ELMO1: variants seen among roughly 807,000 people sequenced by gnomAD.
ELMO1 encodes engulfment and cell motility protein 1.
A neutral mutation model predicts 98.9 loss-of-function variants in ELMO1; 26 were observed. The ratio of observed to expected loss-of-function variants is 0.26; its 90% confidence interval spans 0.19 to 0.36. The LOEUF (loss-of-function observed/expected upper bound fraction) is 0.36. Among genes scored for constraint, ELMO1 ranks in the 10% least tolerant of loss-of-function variants. ELMO1 has a pLI of 1.00. For missense variants in ELMO1, 627 were observed against 935.2 expected (o/e 0.67, Z 4.30); for synonymous variants, 346 against 346.0 (o/e 1.00, Z 0.00).
chr7:37,142,038 T>C (rs907264079), intron 13 of ELMO1, among the ~76,000 whole-genome samples: 14 of 152,246 alleles, frequency 9.2e-5, no homozygotes, highest in Non-Finnish European at 4.4e-5. Flanking sequence ...TCCTGATTCA[T>C]TTATTCCAAT....
At position 37,342,263 on chromosome 7, in the gene ELMO1, C is replaced by T. The variant is rs1800757844; in HGVS notation, c.78+350G>A. ...ATTTTAAAAATTAAGTTTTGTCTTG[C>T]CTGTGTTCCAACAATCTGCACATAT... On this transcript the variant is annotated intron_variant, in intron 2 of 21. Transcript: ENST00000310758. This position sits in a 1 kb window ranked among gnomAD's most constrained non-coding sequence, Gnocchi z 4.3. Among the ~76,000 whole-genome samples, 1 of 152,152 alleles carries T rather than the reference C, an allele frequency of 6.6e-6. No homozygotes were observed. The highest frequency in any genetic ancestry group is 2.4e-5 in the African/African-American group (1 of 41,436).
At chr7:37,324,152 C>T (rs927893100) in intron 2 of ELMO1, among the ~76,000 whole-genome samples, 2 of 152,160 alleles carry the variant, frequency 1.3e-5, no homozygotes, top group Non-Finnish European at 2.9e-5. Flanking sequence ...GCCCTGGCTG[C>T]GCAGCCACCT....
chr7:37,109,342 TTG>T (rs1286076139), intron 14 of ELMO1, among the ~76,000 whole-genome samples: 3 of 152,204 alleles, frequency 2.0e-5, no homozygotes. Flanking sequence ...ATGTCCTTCG[TTG>T]TGTGTTTATG....
intron 4 of ELMO1, among the ~76,000 whole-genome samples, chr7:37,289,123 T>C (rs1162797098): frequency 6.6e-6 from 1 of 152,214 alleles, no homozygotes; most frequent in Non-Finnish European, 1.5e-5. Context: ...GTGCCTGGTA[T>C]ATCAAATGTG....
chr7:37,173,018 G>A (rs1246428907), intron 13 of ELMO1, among the ~76,000 whole-genome samples: 1 of 152,202 alleles, frequency 6.6e-6, no homozygotes, highest in Non-Finnish European at 1.5e-5. Flanking sequence ...AGATGGATAT[G>A]TAAGAACCTT....
intron 13 of ELMO1, among the ~76,000 whole-genome samples, chr7:37,175,167 G>A (rs1478448219): frequency 1.3e-5 from 2 of 152,156 alleles, no homozygotes; most frequent in South Asian, 2.1e-4. Flanking sequence ...ATAATAAGGA[G>A]ACAAAGAAAA....
At chr7:37,168,656 T>C (rs976737450) in intron 13 of ELMO1, among the ~76,000 whole-genome samples, 2 of 152,208 alleles carry the variant, frequency 1.3e-5, no homozygotes, top group African/African-American at 2.4e-5. Context: ...ACAGCGGTTT[T>C]TCGTGAACCG....
At chr7:36,889,653 G>C (rs974809360) in intron 17 of ELMO1, among the ~76,000 whole-genome samples, 1 of 152,218 alleles carries the variant, frequency 6.6e-6, no homozygotes, top group Non-Finnish European at 1.5e-5. Flanking sequence ...AAGACCAAGA[G>C]AAGGAAACAA....
At chr7:37,167,256 G>A (rs866879910) in intron 13 of ELMO1, among the ~76,000 whole-genome samples, 8 of 152,128 alleles carry the variant, frequency 5.3e-5, no homozygotes, top group Middle Eastern at 6.8e-3. Flanking sequence ...TGGGTTTCCT[G>A]AATACAGCAC....
chr7:37,100,243 C>G (rs1186631731), intron 14 of ELMO1, among the ~76,000 whole-genome samples: 1 of 152,208 alleles, frequency 6.6e-6, no homozygotes, highest in African/African-American at 2.4e-5. Context: ...TCCTCCTAGA[C>G]AAAGCTATAA....
chr7:37,152,194 A>G (rs1472375511), intron 13 of ELMO1, among the ~76,000 whole-genome samples: 1 of 152,250 alleles, frequency 6.6e-6, no homozygotes, highest in African/African-American at 2.4e-5. Flanking sequence ...TTCCAGGTAC[A>G]GTCTAACATG....
intron 12 of ELMO1, among the ~76,000 whole-genome samples, chr7:37,211,764 A>G (rs925485728): frequency 2.0e-5 from 3 of 152,176 alleles, no homozygotes; most frequent in Admixed American, 1.3e-4. Flanking sequence ...AGTTATCTGG[A>G]GCACGAATAT....
chr7:37,159,359 A>G (rs1789034758), intron 13 of ELMO1, among the ~76,000 whole-genome samples: 1 of 152,178 alleles, frequency 6.6e-6, no homozygotes, highest in Non-Finnish European at 1.5e-5. Flanking sequence ...ATACAGCTCT[A>G]AAGAAAATTT....
intron 15 of ELMO1, among the ~76,000 whole-genome samples, chr7:37,092,914 T>A (rs1784193923): frequency 6.7e-6 from 1 of 148,280 alleles, no homozygotes; most frequent in South Asian, 2.1e-4. Context: ...TCTTTCTTTT[T>A]CTTTTTTTTT....
chr7:37,223,629 C>A (rs116133109), intron 9 of ELMO1, among the ~76,000 whole-genome samples: 162 of 152,262 alleles, frequency 1.1e-3, no homozygotes, highest in African/African-American at 3.8e-3. Context: ...GAGATTCCCA[C>A]AAAAGACACA....
In ELMO1 at chr7:37,342,313, T is replaced by G. The variant is rs1325271701; in HGVS notation, c.78+300A>C. 6.6e-6 allele frequency among the ~76,000 whole-genome samples: 1 copy of G among 152,212 alleles called. No individual in the cohort carries two copies. Among genetic ancestry groups the G allele is most frequent in the Non-Finnish European group, 1.5e-5 (1 of 68,034 alleles). ...TCCATGTGTCATGGCAAGGCAGGGATGGGGCAGCCTCCACTGTGTCAACTG... is the reference window on the plus strand; with the variant it reads ...TCCATGTGTCATGGCAAGGCAGGGAGGGGGCAGCCTCCACTGTGTCAACTG... On this transcript the variant is annotated intron_variant, in intron 2 of 21. Transcript: ENST00000310758. This position sits in a 1 kb window ranked among gnomAD's most constrained non-coding sequence, Gnocchi z 4.3.
At chr7:37,019,722 A>G (rs1447700612) in intron 15 of ELMO1, among the ~76,000 whole-genome samples, 1 of 152,242 alleles carries the variant, frequency 6.6e-6, no homozygotes, top group Admixed American at 6.5e-5. Context: ...AATGGGACAA[A>G]AATAGTAAGA....
At chr7:37,330,241 A>C (rs577218007) in intron 2 of ELMO1, among the ~76,000 whole-genome samples, 2 of 152,374 alleles carry the variant, frequency 1.3e-5, no homozygotes, top group South Asian at 4.1e-4. Flanking sequence ...AATTAGACAT[A>C]GATTATAGCT....
Position 37,224,910 on chromosome 7 carries a change from T to C in ELMO1, c.670A>G (p.Thr224Ala). 1 of 1,614,086 alleles carries C rather than the reference T, an allele frequency of 6.2e-7. No homozygotes were observed. Among genetic ancestry groups the C allele is most frequent in the South Asian group, 1.1e-5 (1 of 91,086 alleles). ...DLYQKVAQEI[T>A]IGQLIPHLQG... ...AGGTGTGGAATGAGCTGGCCGATGG[T>C]GATCTCCTGCGCCACTTTCTGGTAG... The change falls in exon 9 of 22, where the codon ACC (threonine) becomes GCC (alanine). Residue 224 changes from threonine to alanine, a missense_variant. Thr to Ala is a moderately conservative substitution (Grantham distance 58, BLOSUM62 0). This residue lies in a region of ELMO1 where 492 missense variants were observed against 715.6 expected (regional missense o/e 0.69). Transcript: ENST00000310758.
Sources: allele counts gnomAD v4.1 joint callset (sites outside exome capture counted in the v4.1 genomes callset), GRCh38; gene constraint gnomAD v4.1.1; regional missense constraint gnomAD v4.1.1; non-coding constraint Gnocchi (gnomAD v3.1); transcripts MANE v1.5; gene names NCBI Gene and HGNC (gene_info 2026-07-23, HGNC 2026-07-21).